The following GDNF variants were observed in gnomAD, a reference collection of about 807,000 sequenced individuals.
The protein encoded by GDNF is glial cell line-derived neurotrophic factor.
A neutral mutation model predicts 13.7 loss-of-function variants in GDNF; 5 were observed. That is an observed-to-expected ratio of 0.36 (90% CI 0.19 to 0.77). The LOEUF (loss-of-function observed/expected upper bound fraction) is 0.77, where lower values mean the gene tolerates loss of function less well. GDNF is among the 30% of genes least tolerant of loss of function. The pLI, the probability that GDNF is intolerant of heterozygous loss-of-function variation, is 0.51. For missense variants in GDNF, 246 were observed against 274.3 expected, an observed-to-expected ratio of 0.90 and a Z score of 0.73; for synonymous variants, 122 against 112.5, an observed-to-expected ratio of 1.08 and a Z score of -0.53.
chr5:37,815,649 A>T lies in GDNF; in HGVS notation c.*2T>A, dbSNP rs753592470. On this transcript the variant is annotated 3_prime_UTR_variant, in exon 3 of 3. Transcript: ENST00000326524. The surrounding 1 kb of genome is among the most constrained non-coding windows in gnomAD (Gnocchi z 5.0). ...AATACACAGCAGTCTCTGGAGCCGG[A>T]GTCAGATACATCCACACCTTTTAGC... The T allele has an allele frequency of 1.9e-6, 3 of 1,613,230 alleles. No individual in the cohort carries two copies. The Admixed American group carries it at 5.0e-5, about 27-fold the overall frequency.
At chr5:37,834,582 G>A in intron 2 of GDNF, 64 bp downstream of exon 2, 1 of 1,336,778 alleles carries the variant, frequency 7.5e-7, no homozygotes, top group Non-Finnish European at 9.9e-7. Flanking sequence ...TGCGGGGCTG[G>A]CTGCGGGTGG....
chr5:37,824,736 G>A (rs1750247736), intron 2 of GDNF, among the ~76,000 whole-genome samples: 1 of 152,164 alleles, frequency 6.6e-6, no homozygotes, highest in South Asian at 2.1e-4. Context: ...TCTAGTGTTT[G>A]GTAGACCGTC....
Position 37,815,469 on chromosome 5 carries a change from G to C in GDNF, c.*182C>G. Reference sequence around the variant, plus strand: ...CTGTAGCTGGATCTCCCTCTACCAGGCTCCCATGATGGCTGCCTTCCTCCT... The same window carrying C: ...CTGTAGCTGGATCTCCCTCTACCAGCCTCCCATGATGGCTGCCTTCCTCCT... On this transcript the variant is annotated 3_prime_UTR_variant, in exon 3 of 3. Transcript: ENST00000326524. This position sits in a 1 kb window ranked among gnomAD's most constrained non-coding sequence, Gnocchi z 5.0. 1 of 649,716 alleles carries C rather than the reference G, an allele frequency of 1.5e-6. No individual in the cohort carries two copies. Among genetic ancestry groups the C allele is most frequent in the Non-Finnish European group, 2.8e-6 (1 of 361,398 alleles). 40.2% of individuals were successfully genotyped at this position (649,716 alleles called of 1,614,324 possible). A position where few individuals can be genotyped will look rare whatever the true frequency, so the allele number is the denominator to read the frequency against.
At chr5:37,816,679 C>A (rs1036224144) in intron 2 of GDNF, among the ~76,000 whole-genome samples, 4 of 152,298 alleles carry the variant, frequency 2.6e-5, no homozygotes, top group African/African-American at 9.6e-5. Flanking sequence ...GATCCACGCA[C>A]TAAACTTTGA....
chr5:37,834,783 T>A lies in GDNF; in HGVS notation c.14A>T (p.Asp5Val). The change falls in exon 2 of 3, where the codon GAT (aspartate) becomes GTT (valine). Residue 5 changes from aspartate to valine, a missense_variant. Transcript: ENST00000326524. MKLWDVVAVCLVLLH... is the reference protein window; with the variant it reads MKLWVVVAVCLVLLH... ...CAGCACCAGGCAGACAGCCACGACA[T>A]CCCATAACTTCATCTTAAAGTCCCG... is the stretch of plus-strand genomic sequence containing the variant. The A allele has an allele frequency of 1.2e-6, 2 of 1,613,096 alleles. No homozygotes were observed. Among genetic ancestry groups the A allele is most frequent in the Non-Finnish European group, 8.5e-7 (1 of 1,179,588 alleles).
rs1561132571 is a variant in GDNF, at chr5:37,827,543, A to C, written c.151+7103T>G. Reference sequence around the variant, plus strand: ...TTGTGAATAAACCAAGAAATCCTGAAGCCAGTTGCTCCATATTTCCTCCTG... The same window carrying C: ...TTGTGAATAAACCAAGAAATCCTGACGCCAGTTGCTCCATATTTCCTCCTG... On this transcript the variant is annotated intron_variant, in intron 2 of 2. Transcript: ENST00000326524. Among the ~76,000 whole-genome samples the C allele has an allele frequency of 2.0e-5, 3 of 152,354 alleles. No individual in the cohort carries two copies. In the East Asian group the frequency reaches 5.8e-4, roughly 29 times the overall value.
intron 2 of GDNF, among the ~76,000 whole-genome samples, chr5:37,832,452 G>A (rs764154052): frequency 4.3e-4 from 66 of 152,276 alleles, no homozygotes; most frequent in Admixed American, 1.2e-3. Flanking sequence ...AAGTCAATTT[G>A]GCTTAGAATG....
Position 37,838,799 on chromosome 5 carries a change from T to C in GDNF, c.-27+708A>G, listed in dbSNP as rs752460175. 2.0e-5 allele frequency among the ~76,000 whole-genome samples: 3 copies of C among 152,128 alleles called. No homozygotes were observed. Among genetic ancestry groups the C allele is most frequent in the Non-Finnish European group, 4.4e-5 (3 of 68,026 alleles). On this transcript the variant is annotated intron_variant, in intron 1 of 2. Transcript: ENST00000326524. The surrounding 1 kb of genome is among the most constrained non-coding windows in gnomAD (Gnocchi z 4.1). The stretch of plus-strand genomic sequence containing the variant: ...CAGAGTACAGGAGAAAAAGGGGTCA[T>C]TAAAATAATAACCTCAATGGCCTAG...
At chr5:37,821,933 A>T (rs1750155016) in intron 2 of GDNF, among the ~76,000 whole-genome samples, 1 of 152,198 alleles carries the variant, frequency 6.6e-6, no homozygotes, top group South Asian at 2.1e-4. Flanking sequence ...AAAATGCCAG[A>T]TTTGTCTTAA....
chr5:37,839,671 C>G lies in GDNF; in HGVS notation c.-191G>C, dbSNP rs886952409. On this transcript the variant is annotated 5_prime_UTR_variant, in exon 1 of 3. Coordinates refer to ENST00000326524, the MANE Select transcript of GDNF (RefSeq NM_000514.4). The surrounding 1 kb of genome is among the most constrained non-coding windows in gnomAD (Gnocchi z 5.5). ...GGTCGCGCGGGGCAGCAAGGGCGCG[C>G]TGGAGGCGGCGGCCAAGACTCCCGC... 3 of 152,098 alleles carry G rather than the reference C, an allele frequency of 2.0e-5. No individual in the cohort carries two copies. Among genetic ancestry groups the G allele is most frequent in the African/African-American group, 7.3e-5 (3 of 41,342 alleles). The allele number at this position is 152,098 out of a possible 1,614,324, so 9.4% of individuals were successfully genotyped here.
chr5:37,826,964 C>T (rs745782748), intron 2 of GDNF, among the ~76,000 whole-genome samples: 5 of 152,232 alleles, frequency 3.3e-5, no homozygotes, highest in Non-Finnish European at 7.3e-5. Context: ...TGATATTGGG[C>T]GCTTCCTGAT....
At chr5:37,834,501 G>T (rs1040390732) in intron 2 of GDNF, 145 bp downstream of exon 2, 1 of 713,956 alleles carries the variant, frequency 1.4e-6, no homozygotes, top group African/African-American at 1.9e-5. Flanking sequence ...GCACCCCTGG[G>T]GGCTTCAGCA....
intron 2 of GDNF, 23 bp downstream of exon 2, chr5:37,834,623 C>A (rs75404682): frequency 1.4e-6 from 2 of 1,480,876 alleles, no homozygotes; most frequent in East Asian, 2.6e-5. Context: ...GCGGCCCCCC[C>A]GCGGGGAGGG....
In GDNF at chr5:37,837,392, T is replaced by A. The variant is rs1010147176; in HGVS notation, c.-27+2115A>T. Among the ~76,000 whole-genome samples the A allele has an allele frequency of 6.6e-6, 1 of 151,768 alleles. No homozygotes were observed. The highest frequency in any genetic ancestry group is 1.5e-5 in the Non-Finnish European group (1 of 67,932). ...CCATTTCTCGTGCCTGGCAAGCTGG[T>A]CCCCTTCTGGGTCCGGGACCACCAC... On this transcript the variant is annotated intron_variant, in intron 1 of 2. Transcript: ENST00000326524. The surrounding 1 kb of genome is among the most constrained non-coding windows in gnomAD (Gnocchi z 6.5).
chr5:37,832,172 T>C (rs1318046561), intron 2 of GDNF, among the ~76,000 whole-genome samples: 1 of 152,260 alleles, frequency 6.6e-6, no homozygotes, highest in East Asian at 1.9e-4. Flanking sequence ...GCATGAAAGC[T>C]CTTTTGCTCA....
Position 37,834,587 on chromosome 5 carries a change from G to T in GDNF, c.151+59C>A, listed in dbSNP as rs1052966437. ...TTGGGGTACGTGCGGGGCTGGCTGCGGGTGGGGGTGCGAGGGGGTCCGCCG... is the reference window on the plus strand; with the variant it reads ...TTGGGGTACGTGCGGGGCTGGCTGCTGGTGGGGGTGCGAGGGGGTCCGCCG... On this transcript the variant is annotated intron_variant, in intron 2 of 2. Coordinates refer to ENST00000326524, the MANE Select transcript of GDNF (RefSeq NM_000514.4). The T allele has an allele frequency of 3.7e-6, 5 of 1,352,216 alleles. No homozygotes were observed. In the African/African-American group the frequency reaches 7.7e-5, roughly 21 times the overall value. The allele number at this position is 1,352,216 out of a possible 1,614,324, so 83.8% of individuals were successfully genotyped here.
intron 2 of GDNF, among the ~76,000 whole-genome samples, chr5:37,816,492 C>A (rs1749934185): frequency 6.6e-6 from 1 of 152,206 alleles, no homozygotes; most frequent in Non-Finnish European, 1.5e-5. Flanking sequence ...GTCACACAAC[C>A]TAGAGTAGTG....
Position 37,837,832 on chromosome 5 carries a change from C to T in GDNF, c.-27+1675G>A, listed in dbSNP as rs986375856. Among the ~76,000 whole-genome samples, 3 of 152,092 alleles carry T rather than the reference C, an allele frequency of 2.0e-5. No homozygotes were observed. The highest frequency in any genetic ancestry group is 7.2e-5 in the African/African-American group (3 of 41,394). On this transcript the variant is annotated intron_variant, in intron 1 of 2. Transcript: ENST00000326524. This position sits in a 1 kb window ranked among gnomAD's most constrained non-coding sequence, Gnocchi z 6.5. ...ATCCCTCACCCCTTCCACGCGTCAC[C>T]GTGACAGATTCGCAGGAGGCAGCGC...
At chr5:37,817,393 A>C (rs1034662340) in intron 2 of GDNF, among the ~76,000 whole-genome samples, 2 of 152,226 alleles carry the variant, frequency 1.3e-5, no homozygotes, top group African/African-American at 4.8e-5. Flanking sequence ...TTAGGATTCT[A>C]AGTGGCTTAG....
Sources: allele counts gnomAD v4.1 joint callset (sites outside exome capture counted in the v4.1 genomes callset), GRCh38; gene constraint gnomAD v4.1.1; non-coding constraint Gnocchi (gnomAD v3.1); transcripts MANE v1.5; gene names NCBI Gene and HGNC (gene_info 2026-07-23, HGNC 2026-07-21).